Variants in RALGPS2 observed in about 807,000 individuals in gnomAD.
The protein encoded by RALGPS2 is Ral GEF with PH domain and SH3 binding motif 2.
A neutral mutation model predicts 86.8 loss-of-function variants in RALGPS2; 43 were observed. That is an observed-to-expected ratio of 0.50 (90% CI 0.39 to 0.64). RALGPS2 has a LOEUF of 0.64. Ranked by LOEUF, RALGPS2 falls within the 30% of genes least tolerant of loss-of-function variation. The pLI, the probability that RALGPS2 is intolerant of heterozygous loss-of-function variation, is 0.00. For missense variants in RALGPS2, 536 were observed against 694.6 expected, an observed-to-expected ratio of 0.77 and a Z score of 2.57; for synonymous variants, 243 against 231.3, an observed-to-expected ratio of 1.05 and a Z score of -0.46.
chr1:178,832,592 A>G (rs919993423), intron 7 of RALGPS2, among the ~76,000 whole-genome samples: 2 of 152,124 alleles, frequency 1.3e-5, no homozygotes, highest in Non-Finnish European at 2.9e-5. Context: ...AGACTTACAT[A>G]GGTGGAAATG....
rs1356458293 is a variant in RALGPS2 at position 178,921,565 on chromosome 1, TG to T, written c.*5207del. 1 of 151,986 alleles carries T rather than the reference TG, an allele frequency of 6.6e-6. No individual in the cohort carries two copies. Among genetic ancestry groups the T allele is most frequent in the Non-Finnish European group, 1.5e-5 (1 of 67,906 alleles). The allele number at this position is 151,986 out of a possible 1,614,324, so 9.4% of individuals were successfully genotyped here. A position where few individuals can be genotyped will look rare whatever the true frequency, so the allele number is the denominator to read the frequency against. On this transcript the variant is annotated 3_prime_UTR_variant, in exon 20 of 20. Coordinates refer to ENST00000367635, the MANE Select transcript of RALGPS2 (RefSeq NM_152663.5). ...CATAATCTGAAGGAGATCAAACATC[TG>T]TAAGGACAGGTACCCAGTGATGATA... is the stretch of plus-strand genomic sequence containing the variant.
At chr1:178,770,131 T>C (rs1652719782) in intron 1 of RALGPS2, among the ~76,000 whole-genome samples, 1 of 151,702 alleles carries the variant, frequency 6.6e-6, no homozygotes, top group African/African-American at 2.4e-5. Flanking sequence ...ATTCTCCTGC[T>C]TCAGTGTCCT....
At chr1:178,833,079 A>G (rs1656102793) in intron 7 of RALGPS2, among the ~76,000 whole-genome samples, 1 of 152,124 alleles carries the variant, frequency 6.6e-6, no homozygotes, top group South Asian at 2.1e-4. Context: ...GGGACAGTTC[A>G]TTAAAATACT....
chr1:178,912,849 A>G (rs1441731207), intron 19 of RALGPS2, among the ~76,000 whole-genome samples: 4 of 152,126 alleles, frequency 2.6e-5, no homozygotes, highest in African/African-American at 9.7e-5. Flanking sequence ...ACATAATCCC[A>G]TATTTATCAA....
At chr1:178,814,354 A>G (rs1655128655) in intron 6 of RALGPS2, among the ~76,000 whole-genome samples, 1 of 152,174 alleles carries the variant, frequency 6.6e-6, no homozygotes, top group Non-Finnish European at 1.5e-5. Flanking sequence ...GCATTCTTGT[A>G]TGAGTCTCTT....
chr1:178,788,607 C>T (rs1040145814), intron 4 of RALGPS2, among the ~76,000 whole-genome samples: 1 of 151,966 alleles, frequency 6.6e-6, no homozygotes, highest in African/African-American at 2.4e-5. Flanking sequence ...AAGGGAAAGT[C>T]GGGGCAAAGG....
intron 1 of RALGPS2, among the ~76,000 whole-genome samples, chr1:178,748,940 C>T (rs772496730): frequency 6.0e-5 from 9 of 150,950 alleles, no homozygotes; most frequent in Non-Finnish European, 7.4e-5. Flanking sequence ...TATATATGTA[C>T]TTTGAACATG....
chr1:178,858,253 C>T (rs1426688713), intron 8 of RALGPS2, among the ~76,000 whole-genome samples: 2 of 152,050 alleles, frequency 1.3e-5, no homozygotes, highest in African/African-American at 4.8e-5. Flanking sequence ...GAAATATTTT[C>T]TCATTATTAC....
intron 1 of RALGPS2, among the ~76,000 whole-genome samples, chr1:178,733,587 A>C: frequency 6.6e-6 from 1 of 152,366 alleles, no homozygotes; most frequent in East Asian, 1.9e-4. Context: ...AATGTAGAGC[A>C]TTTGGAACCC....
At chr1:178,758,011 C>A (rs1572293001) in intron 1 of RALGPS2, among the ~76,000 whole-genome samples, 1 of 151,980 alleles carries the variant, frequency 6.6e-6, no homozygotes, top group South Asian at 2.1e-4. Flanking sequence ...CTAATTCAAT[C>A]TTGGGGGGTT....
At chr1:178,898,969 A>G (rs1206166956) in intron 17 of RALGPS2, among the ~76,000 whole-genome samples, 3 of 151,968 alleles carry the variant, frequency 2.0e-5, no homozygotes, top group South Asian at 4.1e-4. Context: ...ATTCAGTTCA[A>G]TTAAATCCTT....
At chr1:178,799,594 A>G (rs183967044) in intron 4 of RALGPS2, among the ~76,000 whole-genome samples, 3 of 152,250 alleles carry the variant, frequency 2.0e-5, no homozygotes, top group Admixed American at 2.0e-4. Context: ...AGCCTGGAAA[A>G]TGAGAACCCC....
intron 8 of RALGPS2, chr1:178,851,315 TC>T (rs1657160313): frequency 1.9e-6 from 3 of 1,604,200 alleles, no homozygotes; most frequent in Non-Finnish European, 2.6e-6. Context: ...GGGCGCAGTT[TC>T]CTTTGAGGAA....
chr1:178,874,404 C>T (rs1658906741), intron 8 of RALGPS2, among the ~76,000 whole-genome samples: 1 of 152,128 alleles, frequency 6.6e-6, no homozygotes, highest in South Asian at 2.1e-4. Flanking sequence ...ACAGTAGTCA[C>T]ATGTGGCAAG....
chr1:178,879,905 A>G (rs182225810), intron 10 of RALGPS2: 89 of 151,780 alleles, frequency 5.9e-4, no homozygotes, highest in African/African-American at 2.0e-3. Context: ...TTTTTAAATT[A>G]TTAACCCTTT....
At position 178,804,604 on chromosome 1, in the gene RALGPS2, A is replaced by G. The variant is rs1322712152; in HGVS notation, c.214-3441A>G. Among the ~76,000 whole-genome samples, 66 of 115,032 alleles carry G rather than the reference A, an allele frequency of 5.7e-4. No individual in the cohort carries two copies. The South Asian group carries it at 9.2e-3, about 16-fold the overall frequency. The allele number at this position is 115,032 out of a possible 152,430, so 75.5% of individuals were successfully genotyped here. On this transcript the variant is annotated intron_variant, in intron 4 of 19. Coordinates refer to ENST00000367635, the MANE Select transcript of RALGPS2 (RefSeq NM_152663.5). The stretch of plus-strand genomic sequence containing the variant: ...CATCCATGTCCCTACAGAGGACATG[A>G]ACTCATCATTTTTTATGGCTGCATA...
rs759376165 is a variant in RALGPS2, at chr1:178,885,150, C to T, written c.979C>T (p.Pro327Ser). Reference protein sequence around the residue: ...AAEGALLPQTPPSPRNLIPHG... With the variant: ...AAEGALLPQTSPSPRNLIPHG... ...TGAAGGAGCCTTGCTCCCACAGACA[C>T]CGCCATCCCCTCGGAATCTGATTCC... The change falls in exon 12 of 20, where the codon CCG becomes TCG. Residue 327 changes from proline (P) to serine (S), a missense_variant. Physicochemically the swap from Pro to Ser is moderately conservative, Grantham distance 74. This residue lies in a region of RALGPS2 where 309 missense variants were observed against 363.0 expected (regional missense o/e 0.85). Transcript: ENST00000367635. 1 of 1,613,826 alleles carries T rather than the reference C, an allele frequency of 6.2e-7. No individual in the cohort carries two copies. Among genetic ancestry groups the T allele is most frequent in the African/African-American group, 1.3e-5 (1 of 75,026 alleles).
chr1:178,908,117 C>T lies in RALGPS2; in HGVS notation c.1722+1250C>T, dbSNP rs188911138. Among the ~76,000 whole-genome samples, 901 of 152,232 alleles carry T rather than the reference C, an allele frequency of 5.9e-3. 7 individuals carry two copies. Among genetic ancestry groups the T allele is most frequent in the Non-Finnish European group, 8.4e-3 (574 of 68,012 alleles). On this transcript the variant is annotated intron_variant, in intron 19 of 19. Coordinates refer to ENST00000367635, the MANE Select transcript of RALGPS2 (RefSeq NM_152663.5). ...TCCCCACTCTGGTAATGCTCAGTGT[C>T]GATTGTTCCCATCTTTGTGTCTAGG...
chr1:178,821,223 G>A (rs534576037), intron 6 of RALGPS2, among the ~76,000 whole-genome samples: 3 of 152,296 alleles, frequency 2.0e-5, no homozygotes, highest in African/African-American at 7.2e-5. Context: ...AATCCTGGAT[G>A]TTGACCCTTT....
Sources: allele counts gnomAD v4.1 joint callset (sites outside exome capture counted in the v4.1 genomes callset), GRCh38; gene constraint gnomAD v4.1.1; regional missense constraint gnomAD v4.1.1; transcripts MANE v1.5; gene names NCBI Gene and HGNC (gene_info 2026-07-23, HGNC 2026-07-21).